Variants in LRP1B observed in about 807,000 individuals in gnomAD.
The protein encoded by LRP1B is low-density lipoprotein receptor-related protein 1B.
In LRP1B, 217 loss-of-function variants were observed where a neutral mutation model predicts 556.6. The observed-to-expected ratio is 0.39, with a 90% CI of 0.35 to 0.44. LRP1B has a LOEUF of 0.44. Among genes scored for constraint, LRP1B ranks in the 20% least tolerant of loss-of-function variants. LRP1B has a pLI of 1.00. For synonymous variants in LRP1B, 2,047 were observed against 1,865.8 expected (o/e 1.10, Z -2.50); for missense variants, 5,053 against 5,620.8 (o/e 0.90, Z 3.23).
At chr2:140,895,941 TG>T (rs1392885286) in intron 23 of LRP1B, among the ~76,000 whole-genome samples, 1 of 151,720 alleles carries the variant, frequency 6.6e-6, no homozygotes, top group Non-Finnish European at 1.5e-5. Flanking sequence ...AGGATGGAGG[TG>T]GGGGGCAGGG....
At chr2:141,414,495 T>C (rs1248420813) in intron 3 of LRP1B, among the ~76,000 whole-genome samples, 1 of 152,172 alleles carries the variant, frequency 6.6e-6, no homozygotes, top group African/African-American at 2.4e-5. Context: ...ACTTCATTTC[T>C]ACAGTGAAAG....
chr2:140,480,965 C>G (rs11900879), intron 59 of LRP1B, among the ~76,000 whole-genome samples: 7,304 of 152,044 alleles, frequency 0.048, 217 homozygotes, highest in African/African-American at 0.052. Context: ...CTCCTGGGTT[C>G]AAGATATTCT....
intron 1 of LRP1B, among the ~76,000 whole-genome samples, chr2:141,996,714 C>CCG (rs5834890): frequency 1.8e-4 from 4 of 22,512 alleles, no homozygotes; most frequent in African/African-American, 1.3e-3. Context: ...TTTTTTCTTT[C>CCG]CCCCCCCCTA....
At chr2:140,592,556 C>G (rs1173196246) in intron 43 of LRP1B, among the ~76,000 whole-genome samples, 3 of 151,648 alleles carry the variant, frequency 2.0e-5, no homozygotes, top group Non-Finnish European at 4.4e-5. Flanking sequence ...ATTCACTTTT[C>G]TGGGCATCAA....
At chr2:140,911,754 G>T (rs767511558) in intron 21 of LRP1B, among the ~76,000 whole-genome samples, 21 of 151,712 alleles carry the variant, frequency 1.4e-4, no homozygotes, top group Admixed American at 3.3e-4. Flanking sequence ...TTTTAGTTTG[G>T]TTTATCAAAA....
chr2:141,215,966 C>T (rs1364327373), intron 6 of LRP1B, among the ~76,000 whole-genome samples: 1 of 152,162 alleles, frequency 6.6e-6, no homozygotes, highest in African/African-American at 2.4e-5. Context: ...CAAATACTTG[C>T]TACAGAAATT....
chr2:141,399,682 C>A (rs145859280), intron 3 of LRP1B, among the ~76,000 whole-genome samples: 2,690 of 152,258 alleles, frequency 0.018, 40 homozygotes, highest in Middle Eastern at 0.034. Context: ...TGCTTAAAGA[C>A]GTTCTCATTG....
intron 1 of LRP1B, among the ~76,000 whole-genome samples, chr2:142,020,175 T>A (rs1703285836): frequency 6.6e-6 from 1 of 152,104 alleles, no homozygotes; most frequent in South Asian, 2.1e-4. Flanking sequence ...TCAATCAAGA[T>A]GCTCTGGTGG....
At chr2:140,520,214 C>T (rs1690099948) in intron 49 of LRP1B, among the ~76,000 whole-genome samples, 2 of 152,118 alleles carry the variant, frequency 1.3e-5, no homozygotes, top group African/African-American at 4.8e-5. Context: ...CCCAAATGTC[C>T]ATCAATGATA....
intron 7 of LRP1B, among the ~76,000 whole-genome samples, chr2:141,150,869 T>TTGTGTGTGTG (rs56107003): frequency 0.16 from 22,218 of 137,968 alleles, 2,263 homozygotes; most frequent in Non-Finnish European, 0.23. Flanking sequence ...TCATGCTGGT[T>TTGTGTGTGTG]TGTGTGTGTG....
Position 141,207,257 on chromosome 2 carries a change from T to G in LRP1B, c.851-18674A>C, listed in dbSNP as rs142885361. Reference sequence around the variant, plus strand: ...ACAACCTAGACTGACATATCGACATTAGAAAAATTATTCTCTCAGACACTA... The same window carrying G: ...ACAACCTAGACTGACATATCGACATGAGAAAAATTATTCTCTCAGACACTA... On this transcript the variant is annotated intron_variant, in intron 6 of 90. Coordinates refer to ENST00000389484, the MANE Select transcript of LRP1B (RefSeq NM_018557.3). 8.1e-3 allele frequency among the ~76,000 whole-genome samples: 1,234 copies of G among 152,310 alleles called. 53 individuals carry two copies. Among genetic ancestry groups the G allele is most frequent in the Admixed American group, 0.066 (1,016 of 15,292 alleles).
At chr2:140,327,371 T>TGTATC (rs1160621039) in intron 79 of LRP1B, among the ~76,000 whole-genome samples, 1 of 152,048 alleles carries the variant, frequency 6.6e-6, no homozygotes, top group Non-Finnish European at 1.5e-5. Flanking sequence ...TGTATAGAGA[T>TGTATC]GTATCATGCC....
At chr2:141,026,623 G>A (rs1400120239) in intron 11 of LRP1B, among the ~76,000 whole-genome samples, 1 of 152,024 alleles carries the variant, frequency 6.6e-6, no homozygotes, top group Non-Finnish European at 1.5e-5. Context: ...AGAGAAAAAG[G>A]CTAGACAAAT....
At chr2:141,770,373 A>G (rs1694862769) in intron 2 of LRP1B, among the ~76,000 whole-genome samples, 1 of 152,184 alleles carries the variant, frequency 6.6e-6, no homozygotes, top group Admixed American at 6.6e-5. Flanking sequence ...ATATCACATC[A>G]AAGCTGAGAC....
intron 7 of LRP1B, among the ~76,000 whole-genome samples, chr2:141,091,996 T>TA (rs1455790055): frequency 6.6e-6 from 1 of 152,234 alleles, no homozygotes; most frequent in Admixed American, 6.5e-5. Context: ...AATGTATGTA[T>TA]AGCTCACATT....
rs1021911240 is a variant in LRP1B at position 141,291,795 on chromosome 2, G to A, written c.344-37154C>T. Among the ~76,000 whole-genome samples, 164 of 142,274 alleles carry A rather than the reference G, an allele frequency of 1.2e-3. 2 individuals carry two copies. The highest frequency in any genetic ancestry group is 3.7e-3 in the African/African-American group (140 of 37,740). 93.3% of individuals were successfully genotyped at this position (142,274 alleles called of 152,430 possible). On this transcript the variant is annotated intron_variant, in intron 3 of 90. Transcript: ENST00000389484. ...GGCGTGAACCCGGGAGGCGGAGCTTGCAGTGAGCAGAGATCGCGCCACTGC... is the reference window on the plus strand; with the variant it reads ...GGCGTGAACCCGGGAGGCGGAGCTTACAGTGAGCAGAGATCGCGCCACTGC...
At chr2:141,625,969 T>C in intron 2 of LRP1B, among the ~76,000 whole-genome samples, 1 of 152,200 alleles carries the variant, frequency 6.6e-6, no homozygotes, top group East Asian at 1.9e-4. Context: ...TTATATTTTA[T>C]GTGGAATAAT....
chr2:140,399,354 T>C lies in LRP1B; in HGVS notation c.10415-13345A>G, dbSNP rs115283455. 1.8e-3 allele frequency among the ~76,000 whole-genome samples: 275 copies of C among 152,332 alleles called. 2 individuals carry two copies. Among genetic ancestry groups the C allele is most frequent in the Admixed American group, 2.6e-3 (40 of 15,298 alleles). ...TCATCTGGCATCATTTTTTCTCTTATATCTTTTTTACACTGAATCATTTCA... is the reference window on the plus strand; with the variant it reads ...TCATCTGGCATCATTTTTTCTCTTACATCTTTTTTACACTGAATCATTTCA... On this transcript the variant is annotated intron_variant, in intron 66 of 90. Coordinates refer to ENST00000389484, the MANE Select transcript of LRP1B (RefSeq NM_018557.3).
intron 1 of LRP1B, among the ~76,000 whole-genome samples, chr2:141,902,008 AT>A (rs1363173858): frequency 1.3e-5 from 2 of 151,786 alleles, no homozygotes; most frequent in Non-Finnish European, 2.9e-5. Context: ...CATATTTTAC[AT>A]CACTTCTCTG....
Sources: allele counts gnomAD v4.1 joint callset (sites outside exome capture counted in the v4.1 genomes callset), GRCh38; gene constraint gnomAD v4.1.1; transcripts MANE v1.5; gene names NCBI Gene and HGNC (gene_info 2026-07-23, HGNC 2026-07-21).